Variants in ANGPT1 observed in about 807,000 individuals in gnomAD.
ANGPT1 encodes the protein angiopoietin 1, also known as angiopoietin-1.
ANGPT1 carries 17 observed loss-of-function variants against 62.2 expected under a neutral mutation model. The ratio of observed to expected loss-of-function variants is 0.27; its 90% CI spans 0.19 to 0.41. The LOEUF (loss-of-function observed/expected upper bound fraction) is 0.41. Ranked by LOEUF, ANGPT1 falls within the 10% of genes least tolerant of loss-of-function variation. The pLI is 1.00. For synonymous variants in ANGPT1, 199 were observed against 198.9 expected, an observed-to-expected ratio of 1.00 and a Z score of 0.00; for missense variants, 478 against 594.9, an observed-to-expected ratio of 0.80 and a Z score of 2.04.
intron 1 of ANGPT1, among the ~76,000 whole-genome samples, chr8:107,485,906 A>G (rs945356344): frequency 1.3e-5 from 2 of 152,332 alleles, no homozygotes; most frequent in South Asian, 2.1e-4. Flanking sequence ...GTCAGACTCA[A>G]TTAAGCTCTA....
intron 7 of ANGPT1, among the ~76,000 whole-genome samples, chr8:107,281,215 A>G (rs79847080): frequency 0.049 from 7,391 of 152,238 alleles, 221 homozygotes; most frequent in Non-Finnish European, 0.073. Context: ...TGTTTTTTTA[A>G]AAAACAACAC....
At chr8:107,435,889 A>G (rs1274046093) in intron 1 of ANGPT1, among the ~76,000 whole-genome samples, 2 of 152,156 alleles carry the variant, frequency 1.3e-5, no homozygotes, top group East Asian at 3.9e-4. Context: ...ATATAATACA[A>G]TACAATTTTA....
intron 4 of ANGPT1, among the ~76,000 whole-genome samples, chr8:107,320,767 G>A (rs1815131617): frequency 6.6e-6 from 1 of 152,098 alleles, no homozygotes. Flanking sequence ...GAGTGTAATA[G>A]AGAAATATGA....
chr8:107,301,729 T>A (rs1277152336), intron 5 of ANGPT1, among the ~76,000 whole-genome samples: 4 of 151,914 alleles, frequency 2.6e-5, no homozygotes, highest in Non-Finnish European at 1.5e-5. Context: ...CACTCCTACA[T>A]TTTACCCCCT....
intron 1 of ANGPT1, among the ~76,000 whole-genome samples, chr8:107,365,102 G>A (rs969338671): frequency 6.6e-6 from 1 of 152,136 alleles, no homozygotes; most frequent in Non-Finnish European, 1.5e-5. Flanking sequence ...GGCCCAGAAA[G>A]TAACAATATT....
intron 1 of ANGPT1, among the ~76,000 whole-genome samples, chr8:107,377,932 A>AT (rs5893853): frequency 0.28 from 42,035 of 151,896 alleles, 6,544 homozygotes; most frequent in Admixed American, 0.35. Flanking sequence ...TGAAAAAAAA[A>AT]CATATCAGTT....
chr8:107,354,169 T>C (rs1478608397), intron 1 of ANGPT1, among the ~76,000 whole-genome samples: 2 of 152,128 alleles, frequency 1.3e-5, no homozygotes, highest in Non-Finnish European at 2.9e-5. Flanking sequence ...TAAGCGAATG[T>C]CTCCTGTGCC....
chr8:107,494,545 A>G (rs1813044311), intron 1 of ANGPT1: 2 of 152,242 alleles, frequency 1.3e-5, no homozygotes, highest in Admixed American at 6.5e-5. Context: ...AGATGTCACA[A>G]TAATGCTATC....
At chr8:107,452,215 G>C (rs10086467) in intron 1 of ANGPT1, among the ~76,000 whole-genome samples, 43,751 of 150,946 alleles carry the variant, frequency 0.29, 7,576 homozygotes, top group Middle Eastern at 0.45. Context: ...AGAGAGATGT[G>C]TACCAAATTT....
intron 8 of ANGPT1, among the ~76,000 whole-genome samples, chr8:107,258,445 A>G: frequency 6.6e-6 from 1 of 152,320 alleles, no homozygotes; most frequent in East Asian, 1.9e-4. Context: ...GAGCTCAATA[A>G]GTTTTTAAAT....
chr8:107,308,271 G>A (rs1188330974), intron 4 of ANGPT1, among the ~76,000 whole-genome samples: 2 of 152,100 alleles, frequency 1.3e-5, no homozygotes, highest in Non-Finnish European at 2.9e-5. Context: ...ATTCAAGGTG[G>A]CTTAAGCAAA....
In ANGPT1 at chr8:107,474,922, A is replaced by G. The variant is rs963086119; in HGVS notation, c.297+22340T>C. ...AAGGAGAGCTACAACCCACTGCTCA[A>G]TGAAATAAAAGAGGACACAAACAAA... is the stretch of plus-strand genomic sequence containing the variant. On this transcript the variant is annotated intron_variant, in intron 1 of 8. Transcript: ENST00000517746. Among the ~76,000 whole-genome samples, 20 of 152,346 alleles carry G rather than the reference A, an allele frequency of 1.3e-4. No individual in the cohort carries two copies. The East Asian group carries it at 3.7e-3, about 28-fold the overall frequency.
At chr8:107,261,274 TA>T (rs35789449) in intron 8 of ANGPT1, among the ~76,000 whole-genome samples, 2 of 151,036 alleles carry the variant, frequency 1.3e-5, no homozygotes, top group East Asian at 1.9e-4. Flanking sequence ...GTGTACCATT[TA>T]AAAAAAAATA....
chr8:107,387,685 T>C (rs1816757429), intron 1 of ANGPT1, among the ~76,000 whole-genome samples: 1 of 151,926 alleles, frequency 6.6e-6, no homozygotes, highest in African/African-American at 2.4e-5. Context: ...AAAAAAGCTT[T>C]GACAGAGAAA....
Position 107,497,351 on chromosome 8 carries a change from C to G in ANGPT1, c.208G>C (p.Asp70His). Residue 70 changes from aspartate (D) to histidine (H), a missense_variant, in exon 1 of 9, where the codon GAT becomes CAT. Asp to His is a moderately conservative substitution (Grantham distance 81, BLOSUM62 -1). Around this residue, in one of 4 missense-constraint regions of ANGPT1, gnomAD observed 343 missense variants for 355.4 expected, o/e 0.97. Coordinates refer to ENST00000517746, the MANE Select transcript of ANGPT1 (RefSeq NM_001146.5). The part of the protein sequence containing the change: ...DQYNTNALQR[D>H]APHVEPDFSS... ...AAATCCGGTTCCACGTGTGGAGCAT[C>G]TCTCTGCAGAGCGTTTGTGTTGTAC... 1.2e-6 allele frequency: 2 copies of G among 1,614,176 alleles called. No individual in the cohort carries two copies. Among genetic ancestry groups the G allele is most frequent in the Non-Finnish European group, 1.7e-6 (2 of 1,180,022 alleles).
intron 1 of ANGPT1, among the ~76,000 whole-genome samples, chr8:107,389,832 A>G (rs887056167): frequency 1.6e-4 from 24 of 152,108 alleles, no homozygotes; most frequent in Non-Finnish European, 2.2e-4. Flanking sequence ...CCCTCCATCT[A>G]AAAATATTTT....
intron 6 of ANGPT1, among the ~76,000 whole-genome samples, chr8:107,291,812 C>T (rs1814283281): frequency 6.8e-6 from 1 of 147,968 alleles, no homozygotes; most frequent in South Asian, 2.1e-4. Context: ...TAGGAAGAGG[C>T]CTTCAAATCT....
chr8:107,436,622 C>T (rs982927874), intron 1 of ANGPT1, among the ~76,000 whole-genome samples: 4 of 152,178 alleles, frequency 2.6e-5, no homozygotes, highest in Non-Finnish European at 4.4e-5. Flanking sequence ...CTTCATTTAT[C>T]GTCTGCAGAT....
intron 5 of ANGPT1, chr8:107,295,042 G>C (rs569303303): frequency 6.6e-6 from 1 of 152,266 alleles, no homozygotes; most frequent in Admixed American, 6.6e-5. Flanking sequence ...AACCTCAAGT[G>C]TTTTCCCTGA....
Sources: gnomAD v4.1 joint callset for allele counts (sites outside exome capture counted in the v4.1 genomes callset) on GRCh38, gnomAD v4.1.1 for gene constraint, gnomAD v4.1.1 regional missense constraint, MANE v1.5 for transcripts, NCBI Gene and HGNC (gene_info 2026-07-23, HGNC 2026-07-21) for gene names.